The following AVEN variants were observed in gnomAD, a reference collection of about 807,000 sequenced individuals.
The protein encoded by AVEN is cell death regulator Aven.
Under a neutral mutation model 38.1 loss-of-function variants are expected in AVEN, and 41 were observed. The observed-to-expected ratio is 1.08, with a 90% confidence interval of 0.84 to 1.40. The LOEUF (loss-of-function observed/expected upper bound fraction) is 1.40, where lower values mean the gene tolerates loss of function less well. Among genes scored for constraint, AVEN ranks in the 40% most tolerant of loss-of-function variants. AVEN has a pLI of 0.00. For missense variants in AVEN, 605 were observed against 438.8 expected, an observed-to-expected ratio of 1.38 and a Z score of -3.38; for synonymous variants, 206 against 171.8, an observed-to-expected ratio of 1.20 and a Z score of -1.56.
At chr15:34,000,060 G>A (rs1239277759) in intron 2 of AVEN, among the ~76,000 whole-genome samples, 2 of 152,118 alleles carry the variant, frequency 1.3e-5, no homozygotes, top group African/African-American at 2.4e-5. Flanking sequence ...CTTTGAGCTT[G>A]CTATTCCCTT....
At chr15:33,908,787 A>G (rs955869068) in intron 2 of AVEN, among the ~76,000 whole-genome samples, 3 of 152,194 alleles carry the variant, frequency 2.0e-5, no homozygotes. Flanking sequence ...TCAATATTTT[A>G]AAAAGACAAA....
intron 1 of AVEN, among the ~76,000 whole-genome samples, chr15:34,004,320 A>T (rs777580867): frequency 9.0e-4 from 133 of 147,674 alleles, no homozygotes; most frequent in Non-Finnish European, 1.6e-3. Context: ...AAGATGCACA[A>T]TGTGAACAAT....
intron 2 of AVEN, among the ~76,000 whole-genome samples, chr15:33,909,770 T>C (rs577037182): frequency 2.6e-4 from 40 of 152,334 alleles, no homozygotes; most frequent in African/African-American, 7.9e-4. Flanking sequence ...GTATAAATTT[T>C]ATCAGGTATA....
chr15:33,885,378 A>C (rs115891150), intron 2 of AVEN, among the ~76,000 whole-genome samples: 2 of 152,184 alleles, frequency 1.3e-5, no homozygotes, highest in Non-Finnish European at 2.9e-5. Flanking sequence ...ACAGGACATA[A>C]AAATTCTTCA....
At chr15:33,912,888 AT>A (rs34666691) in intron 2 of AVEN, among the ~76,000 whole-genome samples, 18,662 of 144,304 alleles carry the variant, frequency 0.13, 1,871 homozygotes, top group African/African-American at 0.3. Context: ...AAAAGGCATA[AT>A]TTTTTTTTTT....
intron 2 of AVEN, among the ~76,000 whole-genome samples, chr15:33,880,481 C>G (rs1283003287): frequency 6.6e-6 from 1 of 152,146 alleles, no homozygotes; most frequent in East Asian, 1.9e-4. Flanking sequence ...AAAACCAAGG[C>G]TTTCAGGCGG....
At chr15:33,872,326 C>CTTT (rs1891004522) in intron 3 of AVEN, among the ~76,000 whole-genome samples, 1 of 152,216 alleles carries the variant, frequency 6.6e-6, no homozygotes, top group Non-Finnish European at 1.5e-5. Context: ...TAAAGGCACA[C>CTTT]TCTTTAGTAA....
intron 2 of AVEN, among the ~76,000 whole-genome samples, chr15:33,926,757 C>T (rs567203333): frequency 5.1e-4 from 78 of 152,218 alleles, no homozygotes; most frequent in African/African-American, 1.8e-3. Flanking sequence ...TGGGTTCAAG[C>T]GATTCTCCCA....
chr15:33,993,765 G>A (rs77849105), intron 2 of AVEN, among the ~76,000 whole-genome samples: 2,353 of 152,166 alleles, frequency 0.015, 63 homozygotes, highest in African/African-American at 0.053. Context: ...AGAGGTGACC[G>A]CAATCATGAT....
At chr15:33,853,235 T>C in the AVEN span, 1 of 864,720 alleles carries the variant, frequency 1.2e-6, no homozygotes, top group Admixed American at 3.1e-5. Context: ...GGGTTGGATA[T>C]GAACATATGT....
At chr15:34,023,834 A>G (rs1597363760) in intron 1 of AVEN, among the ~76,000 whole-genome samples, 1 of 152,178 alleles carries the variant, frequency 6.6e-6, no homozygotes, top group Non-Finnish European at 1.5e-5. Context: ...GAAAGAAAAC[A>G]TGTGTTAGAA....
chr15:34,063,158 T>G lies in AVEN; in HGVS notation n.1401A>C. On this transcript the variant is annotated non_coding_transcript_exon_variant, in exon 5 of 12. Transcript: ENST00000675287. The surrounding 1 kb of genome is among the most constrained non-coding windows in gnomAD (Gnocchi z 4.1). ...GGGCCAAGCGTACTCCGAAAAGGGCTGGCATCATGATTGGCTTGGCCTGGC... is the reference window on the plus strand; with the variant it reads ...GGGCCAAGCGTACTCCGAAAAGGGCGGGCATCATGATTGGCTTGGCCTGGC... 6.2e-7 allele frequency: 1 copy of G among 1,614,194 alleles called. No individual in the cohort carries two copies. Among genetic ancestry groups the G allele is most frequent in the Non-Finnish European group, 8.5e-7 (1 of 1,180,036 alleles).
chr15:33,871,763 G>A (rs1890962158), intron 3 of AVEN, among the ~76,000 whole-genome samples: 1 of 120,424 alleles, frequency 8.3e-6, no homozygotes. Context: ...TTTCAAACGA[G>A]CTAGTCTCCT....
At chr15:34,069,650 C>T (rs1430507607) in intron 2 of AVEN, among the ~76,000 whole-genome samples, 4 of 152,072 alleles carry the variant, frequency 2.6e-5, no homozygotes, top group Non-Finnish European at 2.9e-5. Context: ...AGTACACTAA[C>T]CTTTTAAGTA....
intron 5 of AVEN, among the ~76,000 whole-genome samples, chr15:34,056,664 A>G (rs1286152617): frequency 6.6e-6 from 1 of 152,096 alleles, no homozygotes; most frequent in African/African-American, 2.4e-5. Flanking sequence ...GGCTCTCCTC[A>G]AGGTTGTTCT....
chr15:33,891,718 G>A (rs1027227746), intron 2 of AVEN, among the ~76,000 whole-genome samples: 10 of 152,188 alleles, frequency 6.6e-5, no homozygotes, highest in African/African-American at 1.9e-4. Flanking sequence ...ATAGTAGAAT[G>A]ATTTATAATC....
At chr15:33,944,509 T>C (rs147986873) in intron 2 of AVEN, among the ~76,000 whole-genome samples, 59 of 152,236 alleles carry the variant, frequency 3.9e-4, no homozygotes, top group Middle Eastern at 3.4e-3. Context: ...TCAACATAAA[T>C]TTTTTTAAAA....
intron 5 of AVEN, among the ~76,000 whole-genome samples, chr15:34,047,187 C>T (rs1388629877): frequency 6.6e-6 from 1 of 151,930 alleles, no homozygotes; most frequent in Non-Finnish European, 1.5e-5. Flanking sequence ...ACGCCATTCT[C>T]CTGCCTCAGC....
chr15:33,961,983 G>C (rs1262791674), intron 2 of AVEN, among the ~76,000 whole-genome samples: 2 of 151,942 alleles, frequency 1.3e-5, no homozygotes, highest in Middle Eastern at 3.2e-3. Flanking sequence ...ACCAGGTTTG[G>C]GGGGCAGAGC....
Sources: allele counts gnomAD v4.1 joint callset (sites outside exome capture counted in the v4.1 genomes callset), GRCh38; gene constraint gnomAD v4.1.1; non-coding constraint Gnocchi (gnomAD v3.1); transcripts MANE v1.5; gene names NCBI Gene and HGNC (gene_info 2026-07-23, HGNC 2026-07-21).